The following NWD2 variants were observed in gnomAD, a reference collection of about 807,000 sequenced individuals.
NWD2 encodes NACHT and WD repeat domain-containing protein 2.
NWD2 carries 37 observed loss-of-function variants against 132.7 expected under a neutral mutation model. The observed-to-expected ratio is 0.28, with a 90% confidence interval of 0.21 to 0.37. The LOEUF (loss-of-function observed/expected upper bound fraction) is 0.37. Among genes scored for constraint, NWD2 ranks in the 10% least tolerant of loss-of-function variants. The pLI, the probability that NWD2 is intolerant of heterozygous loss-of-function variation, is 1.00. For synonymous variants in NWD2, 705 were observed against 803.0 expected, an observed-to-expected ratio of 0.88 and a Z score of 2.06; for missense variants, 1,592 against 2,122.4, an observed-to-expected ratio of 0.75 and a Z score of 4.91.
chr4:37,441,847 A>G (rs1012210267), intron 6 of NWD2, among the ~76,000 whole-genome samples: 1 of 152,108 alleles, frequency 6.6e-6, no homozygotes, highest in South Asian at 2.1e-4. Context: ...TCTCATTTTT[A>G]TCTCATGTGT....
chr4:37,443,144 G>C lies in NWD2; in HGVS notation c.1297-141G>C, dbSNP rs1712529691. On this transcript the variant is annotated intron_variant, in intron 6 of 6. Coordinates refer to ENST00000309447, the MANE Select transcript of NWD2 (RefSeq NM_001144990.2). This position sits in a 1 kb window ranked among gnomAD's most constrained non-coding sequence, Gnocchi z 4.1. ...ATGGCAGTTCTTTGGCCTTCTCAGA[G>C]GGTTTTTCCAATTTTTGGTCCTAAG... is the stretch of plus-strand genomic sequence containing the variant. 1 of 679,870 alleles carries C rather than the reference G, an allele frequency of 1.5e-6. No homozygotes were observed. The highest frequency in any genetic ancestry group is 1.8e-5 in the African/African-American group (1 of 55,482). The allele number at this position is 679,870 out of a possible 1,614,324, so 42.1% of individuals were successfully genotyped here. A position where few individuals can be genotyped will look rare whatever the true frequency, so the allele number is the denominator to read the frequency against.
chr4:37,328,466 T>G (rs79917773), intron 2 of NWD2, among the ~76,000 whole-genome samples: 1 of 151,720 alleles, frequency 6.6e-6, no homozygotes, highest in Non-Finnish European at 1.5e-5. Flanking sequence ...CATTGTTCAA[T>G]GCCCACTTAT....
intron 2 of NWD2, among the ~76,000 whole-genome samples, chr4:37,342,173 C>T (rs776372588): frequency 9.2e-5 from 14 of 152,280 alleles, no homozygotes; most frequent in East Asian, 1.9e-4. Context: ...CCTTCTTGAA[C>T]GGCATTGATG....
chr4:37,260,970 G>A (rs571955526), intron 1 of NWD2, among the ~76,000 whole-genome samples: 2 of 152,266 alleles, frequency 1.3e-5, no homozygotes, highest in South Asian at 2.1e-4. Flanking sequence ...ACCTTGCTGT[G>A]TGCCATTTTC....
At chr4:37,407,932 C>T (rs1314405910) in intron 3 of NWD2, among the ~76,000 whole-genome samples, 1 of 152,146 alleles carries the variant, frequency 6.6e-6, no homozygotes, top group African/African-American at 2.4e-5. Flanking sequence ...TGCATGGGGT[C>T]AGGGAATTTT....
chr4:37,381,098 C>T (rs1720443981), intron 3 of NWD2, among the ~76,000 whole-genome samples: 1 of 152,144 alleles, frequency 6.6e-6, no homozygotes, highest in South Asian at 2.1e-4. Flanking sequence ...GTGATCCTAA[C>T]ACGTCAAGCC....
At chr4:37,307,418 G>GT (rs149705476) in intron 1 of NWD2, among the ~76,000 whole-genome samples, 4,591 of 151,778 alleles carry the variant, frequency 0.03, 244 homozygotes, top group African/African-American at 0.11. Flanking sequence ...GGCTGCCAGG[G>GT]TTTTTTTTCT....
At chr4:37,360,133 T>C (rs1719950182) in intron 3 of NWD2, among the ~76,000 whole-genome samples, 1 of 152,158 alleles carries the variant, frequency 6.6e-6, no homozygotes. Flanking sequence ...GGGAAAATAA[T>C]AACAATAAAC....
At chr4:37,311,678 G>T (rs1718845287) in intron 1 of NWD2, among the ~76,000 whole-genome samples, 1 of 148,404 alleles carries the variant, frequency 6.7e-6, no homozygotes, top group Non-Finnish European at 1.5e-5. Flanking sequence ...GTTGCTTTTG[G>T]TGTTTTAAAC....
chr4:37,248,034 A>G (rs534322984), intron 1 of NWD2, among the ~76,000 whole-genome samples: 21 of 152,330 alleles, frequency 1.4e-4, no homozygotes, highest in African/African-American at 5.1e-4. Flanking sequence ...CATCTATTCT[A>G]CGGATGAGAT....
At chr4:37,398,914 G>A (rs1720853945) in intron 3 of NWD2, among the ~76,000 whole-genome samples, 1 of 152,030 alleles carries the variant, frequency 6.6e-6, no homozygotes, top group Admixed American at 6.6e-5. Flanking sequence ...TGCCTTCAAG[G>A]GAAAACGCCA....
At chr4:37,377,484 C>T (rs2109307367) in intron 3 of NWD2, among the ~76,000 whole-genome samples, 1 of 152,292 alleles carries the variant, frequency 6.6e-6, no homozygotes, top group Non-Finnish European at 1.5e-5. Context: ...GTAATCCCAG[C>T]ACTTTGGGAG....
intron 1 of NWD2, among the ~76,000 whole-genome samples, chr4:37,260,038 T>C (rs1356485637): frequency 6.6e-6 from 1 of 152,238 alleles, no homozygotes; most frequent in Non-Finnish European, 1.5e-5. Context: ...TATAACATTA[T>C]TTTTATGGGC....
At chr4:37,249,501 C>A (rs1345612364) in intron 1 of NWD2, among the ~76,000 whole-genome samples, 3 of 152,112 alleles carry the variant, frequency 2.0e-5, no homozygotes, top group Non-Finnish European at 4.4e-5. Flanking sequence ...TCCCTTTAAA[C>A]CTTAACACAT....
intron 1 of NWD2, among the ~76,000 whole-genome samples, chr4:37,301,855 A>G (rs1404008293): frequency 6.6e-6 from 1 of 152,088 alleles, no homozygotes; most frequent in Non-Finnish European, 1.5e-5. Context: ...GTGTGTGCGT[A>G]TAGTTTAAGA....
chr4:37,420,578 G>A (rs1048431316), intron 3 of NWD2, among the ~76,000 whole-genome samples: 1 of 152,234 alleles, frequency 6.6e-6, no homozygotes, highest in African/African-American at 2.4e-5. Flanking sequence ...AGCTACTCAG[G>A]AGGCTGAGAC....
chr4:37,329,131 A>G (rs1577669631), intron 2 of NWD2, among the ~76,000 whole-genome samples: 1 of 152,178 alleles, frequency 6.6e-6, no homozygotes, highest in African/African-American at 2.4e-5. Context: ...AAGATAGGCC[A>G]TGTACCCTCC....
chr4:37,426,248 G>C (rs1560252837), intron 3 of NWD2, among the ~76,000 whole-genome samples: 1 of 152,132 alleles, frequency 6.6e-6, no homozygotes, highest in South Asian at 2.1e-4. Context: ...TCCTGTCTTA[G>C]ACTCCTAAAA....
intron 3 of NWD2, among the ~76,000 whole-genome samples, chr4:37,388,475 C>T (rs1052531311): frequency 1.5e-4 from 23 of 152,116 alleles, no homozygotes; most frequent in Middle Eastern, 6.8e-3. Flanking sequence ...TGAGCCACCA[C>T]GCCTAGCCGA....
Sources: gnomAD v4.1 joint callset for allele counts (sites outside exome capture counted in the v4.1 genomes callset) on GRCh38, gnomAD v4.1.1 for gene constraint, Gnocchi (gnomAD v3.1) non-coding constraint, MANE v1.5 for transcripts, NCBI Gene and HGNC (gene_info 2026-07-23, HGNC 2026-07-21) for gene names.